TMEM132D: variants seen among roughly 807,000 people sequenced by gnomAD.
TMEM132D encodes the protein mature OL transmembrane protein.
In TMEM132D, 21 loss-of-function variants were observed where a neutral mutation model predicts 62.3. That is an observed-to-expected ratio of 0.34 (90% CI 0.24 to 0.49). The LOEUF is 0.49. TMEM132D is among the 20% of genes least tolerant of loss of function. The probability of loss-of-function intolerance (pLI) is 0.99; values close to 1 mark genes in which losing one functional copy is unlikely to be tolerated. For synonymous variants in TMEM132D, 621 were observed against 575.6 expected (o/e 1.08, Z -1.13); for missense variants, 1,346 against 1,402.8 (o/e 0.96, Z 0.65).
At chr12:129,821,234 A>G (rs1326069883) in intron 1 of TMEM132D, among the ~76,000 whole-genome samples, 1 of 152,170 alleles carries the variant, frequency 6.6e-6, no homozygotes, top group South Asian at 2.1e-4. Context: ...AATGGTGTGT[A>G]TTGTGTGTTC....
At position 129,865,199 on chromosome 12, in the gene TMEM132D, G is replaced by A. The variant is rs116816106; in HGVS notation, c.79+38062C>T. ...TCATTGGTGACAGTCTGCTGGCACT[G>A]GAGTGCTGAGGGGTAGCTCTGCAAT... On this transcript the variant is annotated intron_variant, in intron 1 of 8. Transcript: ENST00000422113. Among the ~76,000 whole-genome samples, 585 of 152,342 alleles carry A rather than the reference G, an allele frequency of 3.8e-3. 3 individuals carry two copies. The highest frequency in any genetic ancestry group is 0.013 in the African/African-American group (526 of 41,584).
chr12:129,634,414 C>T (rs1007915650), intron 2 of TMEM132D, among the ~76,000 whole-genome samples: 16 of 147,108 alleles, frequency 1.1e-4, no homozygotes, highest in Non-Finnish European at 3.0e-5. Context: ...GTCGAGGCTG[C>T]AGTGAGCTGT....
intron 6 of TMEM132D, among the ~76,000 whole-genome samples, chr12:129,082,343 A>G (rs1055250842): frequency 6.6e-6 from 1 of 152,112 alleles, no homozygotes; most frequent in African/African-American, 2.4e-5. Context: ...CTTTCATCCA[A>G]TGAAAAAGTT....
At chr12:129,399,319 T>C (rs1000594283) in intron 3 of TMEM132D, among the ~76,000 whole-genome samples, 1 of 40,592 alleles carries the variant, frequency 2.5e-5, no homozygotes, top group Non-Finnish European at 5.2e-5. Flanking sequence ...GCTAACCCAT[T>C]CCCACAACAA....
intron 3 of TMEM132D, among the ~76,000 whole-genome samples, chr12:129,459,702 C>T (rs1007525631): frequency 1.3e-5 from 2 of 152,114 alleles, no homozygotes; most frequent in East Asian, 3.9e-4. Flanking sequence ...ATGGGTTATT[C>T]GTAAAACATT....
chr12:129,833,222 A>T (rs1872899486), intron 1 of TMEM132D, among the ~76,000 whole-genome samples: 1 of 152,198 alleles, frequency 6.6e-6, no homozygotes, highest in Non-Finnish European at 1.5e-5. Flanking sequence ...TTTTTAATGC[A>T]GGCCTCAAGT....
In TMEM132D at chr12:129,114,458, A is replaced by C. The variant is rs113769743; in HGVS notation, c.1444-29756T>G. On this transcript the variant is annotated intron_variant, in intron 5 of 8. Transcript: ENST00000422113. ...CTCCCTCCCTCCCTTTTCTTTTCTCATCTCTTCTCTTCTCCTTCCCTTCCT... is the reference window on the plus strand; with the variant it reads ...CTCCCTCCCTCCCTTTTCTTTTCTCCTCTCTTCTCTTCTCCTTCCCTTCCT... Among the ~76,000 whole-genome samples the C allele has an allele frequency of 7.1e-5, 10 of 140,120 alleles. 1 individual carries two copies. Among genetic ancestry groups the C allele is most frequent in the African/African-American group, 2.4e-4 (9 of 37,288 alleles). 91.9% of individuals were successfully genotyped at this position (140,120 alleles called of 152,430 possible). A position where few individuals can be genotyped will look rare whatever the true frequency, so the allele number is the denominator to read the frequency against.
intron 1 of TMEM132D, among the ~76,000 whole-genome samples, chr12:129,869,103 G>T (rs115175479): frequency 0.02 from 3,021 of 151,730 alleles, 105 homozygotes; most frequent in African/African-American, 0.069. Context: ...AGGCAGCACA[G>T]GAATCTGGGG....
At chr12:129,406,788 C>A (rs562654954) in intron 3 of TMEM132D, among the ~76,000 whole-genome samples, 1 of 152,154 alleles carries the variant, frequency 6.6e-6, no homozygotes, top group Non-Finnish European at 1.5e-5. Context: ...GGCAGCCCTG[C>A]GCCTCCACTC....
chr12:129,676,339 C>T (rs946109727), intron 2 of TMEM132D, among the ~76,000 whole-genome samples: 1 of 152,186 alleles, frequency 6.6e-6, no homozygotes, highest in Non-Finnish European at 1.5e-5. Flanking sequence ...ATCTATTCAT[C>T]TAATCATATC....
chr12:129,339,805 A>G (rs1418412846), intron 3 of TMEM132D, among the ~76,000 whole-genome samples: 1 of 152,200 alleles, frequency 6.6e-6, no homozygotes, highest in African/African-American at 2.4e-5. Context: ...AAAGAAAGGA[A>G]TTTATATAAC....
chr12:129,650,154 CA>C (rs1879891503), intron 2 of TMEM132D, among the ~76,000 whole-genome samples: 1 of 152,170 alleles, frequency 6.6e-6, no homozygotes, highest in Non-Finnish European at 1.5e-5. Flanking sequence ...ACAATGCACA[CA>C]TATATCCATA....
At chr12:129,132,727 A>G (rs1876415820) in intron 5 of TMEM132D, among the ~76,000 whole-genome samples, 1 of 152,230 alleles carries the variant, frequency 6.6e-6, no homozygotes, top group South Asian at 2.1e-4. Flanking sequence ...GTACAGGTAT[A>G]TCAGCACACC....
At chr12:129,542,812 A>G (rs1271159497) in intron 2 of TMEM132D, among the ~76,000 whole-genome samples, 2 of 152,114 alleles carry the variant, frequency 1.3e-5, no homozygotes, top group Non-Finnish European at 2.9e-5. Context: ...TAAGATTATA[A>G]TATTGTATTT....
chr12:129,081,095 C>T (rs942728295), intron 7 of TMEM132D, among the ~76,000 whole-genome samples: 7 of 152,174 alleles, frequency 4.6e-5, no homozygotes, highest in African/African-American at 1.7e-4. Flanking sequence ...GAAAGTGGCT[C>T]AGCAGGAAGT....
chr12:129,135,770 G>A (rs992467866), intron 5 of TMEM132D, among the ~76,000 whole-genome samples: 2 of 152,190 alleles, frequency 1.3e-5, no homozygotes, highest in South Asian at 2.1e-4. Context: ...TTCTGTCTTC[G>A]GGTGGTTTGC....
intron 4 of TMEM132D, among the ~76,000 whole-genome samples, chr12:129,227,050 T>C (rs949289253): frequency 6.6e-6 from 1 of 152,114 alleles, no homozygotes; most frequent in Admixed American, 6.5e-5. Context: ...TTAAGCTGAT[T>C]AGGCAGTGCT....
At chr12:129,246,294 G>A (rs1482954000) in intron 4 of TMEM132D, among the ~76,000 whole-genome samples, 1 of 152,202 alleles carries the variant, frequency 6.6e-6, no homozygotes, top group Non-Finnish European at 1.5e-5. Context: ...CTGGGGAGGA[G>A]TGTCCACGAG....
intron 2 of TMEM132D, among the ~76,000 whole-genome samples, chr12:129,688,632 G>C (rs1234761106): frequency 6.6e-6 from 1 of 151,882 alleles, no homozygotes; most frequent in Admixed American, 6.6e-5. Flanking sequence ...AAGTAGGTGG[G>C]GTGGAATTAT....
Sources: gnomAD v4.1 joint callset for allele counts (sites outside exome capture counted in the v4.1 genomes callset) on GRCh38, gnomAD v4.1.1 for gene constraint, MANE v1.5 for transcripts, NCBI Gene and HGNC (gene_info 2026-07-23, HGNC 2026-07-21) for gene names.